Variants in NPAS3 observed in about 807,000 individuals in gnomAD.
NPAS3 encodes neuronal PAS domain protein 3.
A neutral mutation model predicts 73.1 loss-of-function variants in NPAS3; 14 were observed. That is an observed-to-expected ratio of 0.19 (90% CI 0.13 to 0.30). The LOEUF (loss-of-function observed/expected upper bound fraction) is 0.30. Ranked by LOEUF, NPAS3 falls within the 10% of genes least tolerant of loss-of-function variation. The probability of loss-of-function intolerance (pLI) is 1.00; values close to 1 mark genes in which losing one functional copy is unlikely to be tolerated. For synonymous variants in NPAS3, 620 were observed against 541.5 expected (o/e 1.14, Z -2.01); for missense variants, 1,096 against 1,250.0 (o/e 0.88, Z 1.86).
chr14:33,014,409 C>T (rs12887224), intron 1 of NPAS3, among the ~76,000 whole-genome samples: 83,591 of 151,864 alleles, frequency 0.55, 25,597 homozygotes, highest in Non-Finnish European at 0.7. Flanking sequence ...TAATTAGTAT[C>T]CTCAATATAA....
chr14:33,161,257 T>C (rs1039122297), intron 2 of NPAS3, among the ~76,000 whole-genome samples: 3 of 152,348 alleles, frequency 2.0e-5, no homozygotes, highest in East Asian at 3.9e-4. Flanking sequence ...AAGGAGCATA[T>C]TTATTGAATG....
At chr14:33,253,219 A>T (rs1049068815) in intron 3 of NPAS3, among the ~76,000 whole-genome samples, 7 of 152,092 alleles carry the variant, frequency 4.6e-5, no homozygotes, top group African/African-American at 1.7e-4. Flanking sequence ...ATAGAGGCTG[A>T]ACTAATTTAC....
At chr14:33,114,588 A>G (rs1248402424) in intron 2 of NPAS3, among the ~76,000 whole-genome samples, 2 of 152,188 alleles carry the variant, frequency 1.3e-5, no homozygotes, top group Admixed American at 6.5e-5. Flanking sequence ...ATGCTAGCAC[A>G]TAAATGCAAT....
chr14:33,146,333 C>T (rs1023634696), intron 2 of NPAS3, among the ~76,000 whole-genome samples: 3 of 152,252 alleles, frequency 2.0e-5, no homozygotes, highest in Non-Finnish European at 4.4e-5. Flanking sequence ...TGTGTAAGCT[C>T]GACCCCCTTC....
chr14:33,459,565 TC>T (rs2050166424), intron 4 of NPAS3, among the ~76,000 whole-genome samples: 1 of 152,148 alleles, frequency 6.6e-6, no homozygotes, highest in South Asian at 2.1e-4. Context: ...CTGAGGTGAG[TC>T]AGTTTATCTC....
At chr14:33,599,477 C>A (rs2057338970) in intron 5 of NPAS3, among the ~76,000 whole-genome samples, 1 of 152,124 alleles carries the variant, frequency 6.6e-6, no homozygotes, top group Admixed American at 6.5e-5. Flanking sequence ...TGGTTAAGGT[C>A]CCCTGTGCAC....
In NPAS3 at chr14:33,750,938, G is replaced by C. The variant is rs958349388; in HGVS notation, c.852+15606G>C. ...CTCAAAGACAGCATCATGTTAACCA[G>C]CTCTTAAGGGATAGGCTCACCTACA... is the stretch of plus-strand genomic sequence containing the variant. On this transcript the variant is annotated intron_variant, in intron 7 of 11. Transcript: ENST00000356141. Among the ~76,000 whole-genome samples the C allele has an allele frequency of 6.1e-4, 93 of 152,204 alleles. 1 individual carries two copies. Among genetic ancestry groups the C allele is most frequent in the Non-Finnish European group, 3.4e-4 (23 of 68,042 alleles).
intron 1 of NPAS3, among the ~76,000 whole-genome samples, chr14:32,991,423 A>G (rs760554502): frequency 7.2e-5 from 11 of 152,290 alleles, no homozygotes; most frequent in East Asian, 1.9e-4. Context: ...TCCATTGGCC[A>G]TAGTTTGCCC....
chr14:32,982,108 C>G (rs1283358891), intron 1 of NPAS3, among the ~76,000 whole-genome samples: 1 of 152,146 alleles, frequency 6.6e-6, no homozygotes, highest in Non-Finnish European at 1.5e-5. Context: ...TTCTCATACT[C>G]CTGGAGTCTG....
chr14:33,269,902 T>C (rs1389565771), intron 3 of NPAS3, among the ~76,000 whole-genome samples: 1 of 152,170 alleles, frequency 6.6e-6, no homozygotes, highest in Non-Finnish European at 1.5e-5. Flanking sequence ...AAGTGACAAC[T>C]ACCTATACTT....
At chr14:33,320,367 A>C (rs2043387756) in intron 3 of NPAS3, among the ~76,000 whole-genome samples, 1 of 152,168 alleles carries the variant, frequency 6.6e-6, no homozygotes, top group African/African-American at 2.4e-5. Context: ...GAAGGATTCC[A>C]ACATGGCACA....
At chr14:33,737,827 C>T (rs536663260) in intron 7 of NPAS3, among the ~76,000 whole-genome samples, 3 of 152,244 alleles carry the variant, frequency 2.0e-5, no homozygotes, top group East Asian at 3.9e-4. Context: ...ACACAATAAA[C>T]ACAAATAAAA....
chr14:33,058,062 C>T (rs1296099408), intron 2 of NPAS3, among the ~76,000 whole-genome samples: 1 of 151,184 alleles, frequency 6.6e-6, no homozygotes, highest in Non-Finnish European at 1.5e-5. Context: ...TATGTTTATT[C>T]TATATATTTA....
chr14:33,711,939 C>T (rs184192547), intron 6 of NPAS3, among the ~76,000 whole-genome samples: 19 of 152,180 alleles, frequency 1.2e-4, no homozygotes, highest in Admixed American at 5.2e-4. Flanking sequence ...GCTTCTACCC[C>T]GTTGGGCAGA....
chr14:33,077,938 G>A (rs951808123), intron 2 of NPAS3, among the ~76,000 whole-genome samples: 4 of 151,794 alleles, frequency 2.6e-5, no homozygotes, highest in African/African-American at 9.7e-5. Flanking sequence ...AGGAGTTCGA[G>A]ACCAGCCTGG....
intron 5 of NPAS3, among the ~76,000 whole-genome samples, chr14:33,608,957 C>G (rs150795061): frequency 3.1e-4 from 47 of 152,276 alleles, no homozygotes; most frequent in African/African-American, 1.1e-3. Context: ...TTCTCAAGGT[C>G]CACACCCACA....
At chr14:33,215,581 T>G in intron 3 of NPAS3, 155 bp downstream of exon 3, 1 of 863,016 alleles carries the variant, frequency 1.2e-6, no homozygotes, top group Middle Eastern at 2.2e-4. Flanking sequence ...AAAGACACCA[T>G]GTGAAGGTGA....
intron 3 of NPAS3, among the ~76,000 whole-genome samples, chr14:33,255,119 T>C (rs1390970418): frequency 6.6e-6 from 1 of 152,208 alleles, no homozygotes; most frequent in East Asian, 1.9e-4. Context: ...TTCAGTAATA[T>C]GTTTCTTTCC....
At chr14:33,209,088 C>T (rs987024399) in intron 2 of NPAS3, among the ~76,000 whole-genome samples, 1 of 152,128 alleles carries the variant, frequency 6.6e-6, no homozygotes, top group East Asian at 1.9e-4. Flanking sequence ...TAACTTCCAG[C>T]GTATACTATC....
Sources: allele counts gnomAD v4.1 joint callset (sites outside exome capture counted in the v4.1 genomes callset), GRCh38; gene constraint gnomAD v4.1.1; transcripts MANE v1.5; gene names NCBI Gene and HGNC (gene_info 2026-07-23, HGNC 2026-07-21).